Variants in PKD1L3 observed in about 807,000 individuals in gnomAD.
PKD1L3 encodes the protein polycystin 1 like 3, transient receptor potential channel interacting.
PKD1L3 carries 239 observed loss-of-function variants against 184.1 expected under a neutral mutation model. The ratio of observed to expected loss-of-function variants is 1.30; its 90% CI spans 1.17 to 1.45. The LOEUF (loss-of-function observed/expected upper bound fraction) is 1.45. Among genes scored for constraint, PKD1L3 ranks in the 40% most tolerant of loss-of-function variants. The probability of loss-of-function intolerance (pLI) is 0.00; values close to 1 mark genes in which losing one functional copy is unlikely to be tolerated. For synonymous variants in PKD1L3, 996 were observed against 778.8 expected (o/e 1.28, Z -4.64); for missense variants, 2,660 against 2,067.2 (o/e 1.29, Z -5.56).
In PKD1L3 at chr16:71,930,049, T is replaced by C. The variant is rs2037875980; in HGVS notation, c.5058+3A>G. ...CATGCTAGTTTATCTTTTAGTTACC[T>C]ACCTTAAGCGACTTTCTTTCTTTTC... On this transcript the variant is annotated splice_donor_region_variant and intron_variant, in intron 29 of 29. Coordinates refer to ENST00000620267, the MANE Select transcript of PKD1L3 (RefSeq NM_181536.2). The C allele has an allele frequency of 1.3e-6, 2 of 1,546,516 alleles. No individual in the cohort carries two copies. The highest frequency in any genetic ancestry group is 1.4e-5 in the African/African-American group (1 of 72,744).
At position 71,973,444 on chromosome 16, in the gene PKD1L3, C is replaced by T; in HGVS notation, c.1833G>A (p.Val611=). Residue 611 remains valine (V), a synonymous_variant, in exon 12 of 30, where the codon GTG becomes GTA. Coordinates refer to ENST00000620267, the MANE Select transcript of PKD1L3 (RefSeq NM_181536.2). ...HGIGTYYITA[V]LSERQEGAQQ... Reference sequence around the variant, plus strand: ...GAGCACCCTCCTGCCTCTCACTCAGCACAGCTGTTATATAGTAGGTGCCAA... The same window carrying T: ...GAGCACCCTCCTGCCTCTCACTCAGTACAGCTGTTATATAGTAGGTGCCAA... 1 of 1,551,788 alleles carries T rather than the reference C, an allele frequency of 6.4e-7. No individual in the cohort carries two copies. The highest frequency in any genetic ancestry group is 1.7e-4 in the Middle Eastern group (1 of 5,992).
At chr16:71,983,963 T>C in intron 6 of PKD1L3, 73 bp downstream of exon 6, 1 of 1,525,360 alleles carries the variant, frequency 6.6e-7, no homozygotes, top group East Asian at 2.5e-5. Context: ...GCACCCAGCC[T>C]CAGATTCTCT....
chr16:71,981,535 CTTTTTTTTTT>C (rs543488508), intron 7 of PKD1L3, among the ~76,000 whole-genome samples: 7 of 105,076 alleles, frequency 6.7e-5, no homozygotes, highest in African/African-American at 7.4e-5. Context: ...TTCCTAAATT[CTTTTTTTTTT>C]TTTTTTTTTT....
At position 71,951,586 on chromosome 16, in the gene PKD1L3, C is replaced by T. The variant is rs1256895502; in HGVS notation, c.3168G>A (p.Gln1056=). The stretch of plus-strand genomic sequence containing the variant: ...TACCACGTGCCCAGTGGCGCTCTCC[C>T]TGCTGATGACAGCCTTGACCCTCCA... The part of the protein sequence containing the change: ...SHLEGQGCHQ[Q]GERHWARVVP... Residue 1056 remains glutamine, a synonymous_variant, in exon 19 of 30, where the codon CAG becomes CAA. Coordinates refer to ENST00000620267, the MANE Select transcript of PKD1L3 (RefSeq NM_181536.2). 1 of 1,551,272 alleles carries T rather than the reference C, an allele frequency of 6.4e-7. No individual in the cohort carries two copies. The highest frequency in any genetic ancestry group is 8.7e-7 in the Non-Finnish European group (1 of 1,146,818).
intron 22 of PKD1L3, 72 bp from the exon 23 acceptor site, chr16:71,944,242 A>AGTCACTCACCAT: frequency 7.4e-7 from 1 of 1,358,708 alleles, no homozygotes. Flanking sequence ...TTCATTGAGC[A>AGTCACTCACCAT]TCTACTGTGA....
At chr16:71,977,560 C>CTTCCTTTTT in intron 10 of PKD1L3, 93 bp from the exon 11 acceptor site, 2 of 543,624 alleles carry the variant, frequency 3.7e-6, no homozygotes, top group South Asian at 2.8e-5. Flanking sequence ...CGTCCTAGCT[C>CTTCCTTTTT]TTTTTTTTTT....
At position 71,998,389 on chromosome 16, in the gene PKD1L3, C is replaced by G; in HGVS notation, c.301G>C (p.Val101Leu). ...GGCTTTGGGGGCCCGTTGGCTGCAACGTCTGCTGAGGGGAGATCAGACGCA... is the reference window on the plus strand; with the variant it reads ...GGCTTTGGGGGCCCGTTGGCTGCAAGGTCTGCTGAGGGGAGATCAGACGCA... ...KHQDNKYPAD[V>L]AANGPPKPLS... Residue 101 changes from valine (V) to leucine (L), a missense_variant, in exon 2 of 30, where the codon GTT (valine) becomes CTT (leucine). Val to Leu is a conservative substitution (Grantham distance 32, BLOSUM62 1). Transcript: ENST00000620267. 3.9e-6 allele frequency: 6 copies of G among 1,551,216 alleles called. No homozygotes were observed. The South Asian group carries it at 7.1e-5, about 18-fold the overall frequency.
chr16:71,940,401 T>C (rs934225603), intron 24 of PKD1L3, among the ~76,000 whole-genome samples: 5 of 152,166 alleles, frequency 3.3e-5, no homozygotes, highest in East Asian at 1.9e-4. Context: ...ATACTCAAGA[T>C]TGGAGTTTGT....
In PKD1L3 at chr16:71,950,453, A is replaced by G. The variant is rs2038786813; in HGVS notation, c.3191-143T>C. 2.2e-5 allele frequency: 15 copies of G among 683,898 alleles called. No homozygotes were observed. In the South Asian group the frequency reaches 3.2e-4, roughly 14 times the overall value. The allele number at this position is 683,898 out of a possible 1,614,324, so 42.4% of individuals were successfully genotyped here. A position where few individuals can be genotyped will look rare whatever the true frequency, so the allele number is the denominator to read the frequency against. On this transcript the variant is annotated intron_variant, in intron 19 of 29. Transcript: ENST00000620267. ...AGATTGGACCGTACCCCACATTTGCAGTACTACCATCTTCTCTAAGGATGC... is the reference window on the plus strand; with the variant it reads ...AGATTGGACCGTACCCCACATTTGCGGTACTACCATCTTCTCTAAGGATGC...
At chr16:71,999,011 C>T (rs2040880475) in intron 1 of PKD1L3, among the ~76,000 whole-genome samples, 1 of 152,042 alleles carries the variant, frequency 6.6e-6, no homozygotes. Flanking sequence ...GTGGCTCACG[C>T]CTGTAATCCC....
chr16:71,947,058 C>G (rs145320532), intron 22 of PKD1L3, among the ~76,000 whole-genome samples: 1 of 151,782 alleles, frequency 6.6e-6, no homozygotes, highest in East Asian at 1.9e-4. Flanking sequence ...GAGTTCAAGA[C>G]CAGCCTGGCC....
chr16:71,984,215 T>C, intron 5 of PKD1L3, 48 bp from the exon 6 acceptor site: 7 of 1,524,992 alleles, frequency 4.6e-6, no homozygotes, highest in Non-Finnish European at 6.2e-6. Context: ...AAAATTACTG[T>C]ACTGTAGTAG....
intron 2 of PKD1L3, among the ~76,000 whole-genome samples, chr16:71,995,165 G>GT (rs2143887994): frequency 6.6e-6 from 1 of 152,262 alleles, no homozygotes; most frequent in Middle Eastern, 3.4e-3. Context: ...GGGGAAGGCT[G>GT]CAACCTCGTA....
At position 71,970,092 on chromosome 16, in the gene PKD1L3, C is replaced by G. The variant is rs2039655131; in HGVS notation, c.1967G>C (p.Ser656Thr). The change falls in exon 13 of 30, where the codon AGC (serine) becomes ACC (threonine). Residue 656 changes from serine to threonine, a missense_variant. Coordinates refer to ENST00000620267, the MANE Select transcript of PKD1L3 (RefSeq NM_181536.2). The stretch of plus-strand genomic sequence containing the variant: ...GAGACACTGTGTCCTCAGAATTGTG[C>G]TCTGTGGCCCAACCTGGAATTAGAA... ...SSAGCQVGPQSTILRTQCLCN... is the reference protein window; with the variant it reads ...SSAGCQVGPQTTILRTQCLCN... 2 of 1,551,546 alleles carry G rather than the reference C, an allele frequency of 1.3e-6. No homozygotes were observed. The highest frequency in any genetic ancestry group is 8.7e-7 in the Non-Finnish European group (1 of 1,146,904).
rs2038463125 is a variant in PKD1L3, at chr16:71,944,024, C to T, written c.3859+6G>A. 1 of 1,550,578 alleles carries T rather than the reference C, an allele frequency of 6.4e-7. No individual in the cohort carries two copies. Among genetic ancestry groups the T allele is most frequent in the Admixed American group, 2.0e-5 (1 of 50,446 alleles). On this transcript the variant is annotated splice_donor_region_variant and intron_variant, in intron 23 of 29. Transcript: ENST00000620267. Reference sequence around the variant, plus strand: ...TTATCAGTATGTTGCCATTTCCTCTCCATACCCAAAATATCTCCAGTCAGC... The same window carrying T: ...TTATCAGTATGTTGCCATTTCCTCTTCATACCCAAAATATCTCCAGTCAGC...
At chr16:71,975,462 CCTTT>C (rs2039884132) in intron 11 of PKD1L3, among the ~76,000 whole-genome samples, 1 of 152,074 alleles carries the variant, frequency 6.6e-6, no homozygotes, top group Admixed American at 6.6e-5. Context: ...TATCATCAGG[CCTTT>C]CTTCCTCAAA....
chr16:71,957,463 C>A (rs1189434562), intron 16 of PKD1L3, among the ~76,000 whole-genome samples: 4 of 151,996 alleles, frequency 2.6e-5, no homozygotes, highest in Non-Finnish European at 5.9e-5. Flanking sequence ...ATTCTGTCTA[C>A]AAGAGACATA....
chr16:71,933,479 A>G lies in PKD1L3; in HGVS notation c.4867T>C (p.Phe1623Leu). 1 of 1,551,818 alleles carries G rather than the reference A, an allele frequency of 6.4e-7. No homozygotes were observed. The highest frequency in any genetic ancestry group is 8.7e-7 in the Non-Finnish European group (1 of 1,146,938). Residue 1623 changes from phenylalanine to leucine, a missense_variant, in exon 28 of 30, where the codon TTT becomes CTT. By Grantham distance (22) the Phe-to-Leu change is conservative. Transcript: ENST00000620267. The stretch of plus-strand genomic sequence containing the variant: ...ACAACAGTCACTGCTGAGCTGAAAA[A>G]TGTCCGGTAGTCAGAGATGCTGCAT... ...FGCSISDYRT[F>L]FSSAVTVVGL...
intron 28 of PKD1L3, 63 bp downstream of exon 28, chr16:71,933,357 A>C (rs1229830213): frequency 1.6e-6 from 2 of 1,251,028 alleles, no homozygotes; most frequent in Non-Finnish European, 2.3e-6. Context: ...TTTCATAAGG[A>C]CCCCCCCAAT....
Sources: gnomAD v4.1 joint callset for allele counts (sites outside exome capture counted in the v4.1 genomes callset) on GRCh38, gnomAD v4.1.1 for gene constraint, MANE v1.5 for transcripts, NCBI Gene and HGNC (gene_info 2026-07-23, HGNC 2026-07-21) for gene names.